Variants in DAP observed in about 807,000 individuals in gnomAD.
DAP encodes death-associated protein 1.
A neutral mutation model predicts 13.8 loss-of-function variants in DAP; 8 were observed. The observed-to-expected ratio is 0.58, with a 90% CI of 0.34 to 1.05. The LOEUF (loss-of-function observed/expected upper bound fraction) is 1.05, where lower values mean the gene tolerates loss of function less well. Ranked by LOEUF, DAP falls within the 50% of genes least tolerant of loss-of-function variation. The pLI is 0.03. For synonymous variants in DAP, 47 were observed against 47.5 expected (o/e 0.99, Z 0.04); for missense variants, 106 against 133.2 (o/e 0.80, Z 1.01).
intron 2 of DAP, among the ~76,000 whole-genome samples, chr5:10,738,998 C>G (rs769135934): frequency 5.3e-5 from 8 of 151,592 alleles, no homozygotes; most frequent in Non-Finnish European, 8.8e-5. Context: ...GTCAGGAGAT[C>G]GAGACCATCC....
chr5:10,685,937 CACAA>C (rs775855410), intron 2 of DAP, among the ~76,000 whole-genome samples: 10 of 152,178 alleles, frequency 6.6e-5, no homozygotes, highest in Non-Finnish European at 1.0e-4. Context: ...CACACACACA[CACAA>C]ACAAACACCT....
chr5:10,681,704 GC>G (rs1738009818), intron 3 of DAP, among the ~76,000 whole-genome samples: 1 of 148,290 alleles, frequency 6.7e-6, no homozygotes, highest in African/African-American at 2.5e-5. Context: ...ATGTGAGGAA[GC>G]TCCAGGCCAG....
intron 2 of DAP, among the ~76,000 whole-genome samples, chr5:10,742,319 G>A (rs1305258436): frequency 6.6e-6 from 1 of 152,132 alleles, no homozygotes; most frequent in African/African-American, 2.4e-5. Context: ...CCAATCACAA[G>A]GTCAGGAGTT....
In DAP at chr5:10,680,756, G is replaced by A; in HGVS notation, c.*300C>T. ...AAGACCATAGACAAGGACGTCAGGT[G>A]ACTGCTGAAATAGAACTAAAGCTAA... On this transcript the variant is annotated 3_prime_UTR_variant, in exon 4 of 4. Transcript: ENST00000230895. 6.5e-7 allele frequency: 1 copy of A among 1,536,444 alleles called. No individual in the cohort carries two copies. Among genetic ancestry groups the A allele is most frequent in the Non-Finnish European group, 8.7e-7 (1 of 1,146,956 alleles).
chr5:10,717,752 G>A (rs914356532), intron 2 of DAP, among the ~76,000 whole-genome samples: 6 of 152,188 alleles, frequency 3.9e-5, no homozygotes, highest in East Asian at 1.9e-4. Context: ...GTGCAGCTAC[G>A]ACAATGAACG....
chr5:10,681,722 C>T (rs571546527), intron 3 of DAP, among the ~76,000 whole-genome samples: 77 of 149,248 alleles, frequency 5.2e-4, no homozygotes, highest in African/African-American at 1.6e-3. Context: ...CCAGAGCCCA[C>T]CAGCGTCCCT....
chr5:10,684,862 C>T lies in DAP; in HGVS notation c.153-1291G>A, dbSNP rs749083642. On this transcript the variant is annotated intron_variant, in intron 2 of 3. Coordinates refer to ENST00000230895, the MANE Select transcript of DAP (RefSeq NM_004394.3). Reference sequence around the variant, plus strand: ...GAATACAAGGTCAGCCCAGCTGGGACAGCGCGATCGATCGGGGACACTCAC... The same window carrying T: ...GAATACAAGGTCAGCCCAGCTGGGATAGCGCGATCGATCGGGGACACTCAC... 4.6e-5 allele frequency among the ~76,000 whole-genome samples: 7 copies of T among 152,106 alleles called. No homozygotes were observed. In the East Asian group the frequency reaches 5.8e-4, roughly 13 times the overall value.
intron 1 of DAP, among the ~76,000 whole-genome samples, chr5:10,750,694 G>A (rs574079351): frequency 6.6e-6 from 1 of 152,074 alleles, no homozygotes; most frequent in Non-Finnish European, 1.5e-5. Flanking sequence ...AATCATTTTA[G>A]TTGTATATCC....
At chr5:10,760,936 G>A (rs535471661) in intron 1 of DAP, 78 bp downstream of exon 1, 1 of 958,614 alleles carries the variant, frequency 1.0e-6, no homozygotes, top group Non-Finnish European at 1.3e-6. Context: ...CCCTCCCCGC[G>A]GAGCCCCCGC....
chr5:10,715,963 T>C (rs1738976020), intron 2 of DAP, among the ~76,000 whole-genome samples: 1 of 152,274 alleles, frequency 6.6e-6, no homozygotes, highest in Non-Finnish European at 1.5e-5. Flanking sequence ...TAAACACTGC[T>C]GTTAATTTCT....
chr5:10,750,789 T>C lies in DAP; in HGVS notation c.56-2518A>G, dbSNP rs191882216. 9.2e-5 allele frequency among the ~76,000 whole-genome samples: 14 copies of C among 152,284 alleles called. 1 individual carries two copies. The East Asian group carries it at 1.3e-3, about 15-fold the overall frequency. On this transcript the variant is annotated intron_variant, in intron 1 of 3. Transcript: ENST00000230895. ...GATTCTTGCTCTTGTCCTGGGAGAC[T>C]TGGAGGAGGAATCTGTCTTCACTGG...
chr5:10,713,099 C>T (rs1367856547), intron 2 of DAP, among the ~76,000 whole-genome samples: 2 of 152,214 alleles, frequency 1.3e-5, no homozygotes, highest in Admixed American at 6.5e-5. Flanking sequence ...CTGTTGACAT[C>T]TGACTGATAT....
intron 2 of DAP, among the ~76,000 whole-genome samples, chr5:10,738,691 C>G (rs1393314964): frequency 2.6e-5 from 4 of 152,206 alleles, no homozygotes; most frequent in Non-Finnish European, 5.9e-5. Context: ...TAATCCTGGA[C>G]TGAAATTTGT....
intron 2 of DAP, among the ~76,000 whole-genome samples, chr5:10,685,020 T>G (rs1433362091): frequency 6.6e-6 from 1 of 152,252 alleles, no homozygotes; most frequent in Non-Finnish European, 1.5e-5. Context: ...TCTCCTCTGC[T>G]GCCAGTGGTC....
At position 10,748,859 on chromosome 5, in the gene DAP, C is replaced by T. The variant is rs5745192; in HGVS notation, c.56-588G>A. Among the ~76,000 whole-genome samples, 693 of 152,312 alleles carry T rather than the reference C, an allele frequency of 4.5e-3. 11 individuals carry two copies. The highest frequency in any genetic ancestry group is 0.016 in the African/African-American group (673 of 41,568). On this transcript the variant is annotated intron_variant, in intron 1 of 3. Coordinates refer to ENST00000230895, the MANE Select transcript of DAP (RefSeq NM_004394.3). ...TATGTAATTCATGTAGAATACAATT[C>T]ATTCATTTAAACTGTATAATTCGAT...
intron 2 of DAP, among the ~76,000 whole-genome samples, chr5:10,717,974 G>C (rs996216095): frequency 6.6e-6 from 1 of 152,172 alleles, no homozygotes; most frequent in African/African-American, 2.4e-5. Flanking sequence ...TTCCAGACTT[G>C]AGTCAGTTTA....
chr5:10,716,832 A>G (rs528932227), intron 2 of DAP, among the ~76,000 whole-genome samples: 2 of 152,344 alleles, frequency 1.3e-5, no homozygotes, highest in South Asian at 4.1e-4. Flanking sequence ...TGAGGAATAC[A>G]GATTTTGGTA....
intron 2 of DAP, among the ~76,000 whole-genome samples, chr5:10,705,057 A>G (rs1356097041): frequency 6.6e-6 from 1 of 152,162 alleles, no homozygotes; most frequent in Non-Finnish European, 1.5e-5. Flanking sequence ...TAAATTCTGG[A>G]AACACTACTT....
At position 10,733,318 on chromosome 5, in the gene DAP, T is replaced by C. The variant is rs116094900; in HGVS notation, c.152+14857A>G. Among the ~76,000 whole-genome samples, 221 of 152,240 alleles carry C rather than the reference T, an allele frequency of 1.5e-3. 1 individual carries two copies. The highest frequency in any genetic ancestry group is 6.8e-3 in the Middle Eastern group (2 of 294). On this transcript the variant is annotated intron_variant, in intron 2 of 3. Coordinates refer to ENST00000230895, the MANE Select transcript of DAP (RefSeq NM_004394.3). ...TGAACACAGGAGTACAGATATCTCT[T>C]GGTGACCCTGCTGCTTTCAATTCTT...
Sources: allele counts gnomAD v4.1 joint callset (sites outside exome capture counted in the v4.1 genomes callset), GRCh38; gene constraint gnomAD v4.1.1; transcripts MANE v1.5; gene names NCBI Gene and HGNC (gene_info 2026-07-23, HGNC 2026-07-21).